SPATA3: variants seen among roughly 807,000 people sequenced by gnomAD.
The protein encoded by SPATA3 is spermatogenesis associated 3.
SPATA3 carries 6 observed loss-of-function variants against 5.7 expected under a neutral mutation model. That is an observed-to-expected ratio of 1.06 (90% CI 0.58 to 2.09). The LOEUF (loss-of-function observed/expected upper bound fraction) is 2.09. SPATA3 is among the 30% of genes most tolerant of loss of function. The probability of loss-of-function intolerance (pLI) is 0.00; values close to 1 mark genes in which losing one functional copy is unlikely to be tolerated. For synonymous variants in SPATA3, 44 were observed against 48.4 expected, an observed-to-expected ratio of 0.91 and a Z score of 0.37; for missense variants, 155 against 130.4, an observed-to-expected ratio of 1.19 and a Z score of -0.92.
chr2:231,009,070 C>T (rs1012053354), downstream of SPATA3, among the ~76,000 whole-genome samples: 1 of 152,190 alleles, frequency 6.6e-6, no homozygotes. Context: ...TGCACAGCCT[C>T]CTTTGGAACA....
downstream of SPATA3, among the ~76,000 whole-genome samples, chr2:231,007,529 T>C (rs973659487): frequency 1.3e-5 from 2 of 152,198 alleles, no homozygotes; most frequent in African/African-American, 4.8e-5. Context: ...CTTAACTCAA[T>C]AGCTAACGTA....
chr2:230,996,679 TG>T, intron 1 of SPATA3, 145 bp downstream of exon 1: 1 of 1,133,328 alleles, frequency 8.8e-7, no homozygotes, highest in Non-Finnish European at 1.2e-6. Context: ...TTTTTGTTTT[TG>T]TTTCTACCCA....
chr2:231,007,310 T>G (rs1273920817), downstream of SPATA3: 2 of 152,262 alleles, frequency 1.3e-5, no homozygotes, highest in Admixed American at 1.3e-4. Flanking sequence ...CATGTTTTAC[T>G]TAGAGACATA....
At chr2:231,003,563 G>T (rs1286090330), downstream of SPATA3, among the ~76,000 whole-genome samples, 2 of 152,222 alleles carry the variant, frequency 1.3e-5, no homozygotes, top group Non-Finnish European at 2.9e-5. Context: ...GTTAGTCTCA[G>T]CAGAGGGGAG....
At chr2:231,002,226 G>T (rs148617858) in intron 2 of SPATA3, among the ~76,000 whole-genome samples, 1 of 152,254 alleles carries the variant, frequency 6.6e-6, no homozygotes, top group Non-Finnish European at 1.5e-5. Flanking sequence ...TGCATTTTTT[G>T]AATGCCCTCC....
In SPATA3 at chr2:231,018,689, C is replaced by CT. The variant is rs971100482; in HGVS notation, c.*566-1020dup. Among the ~76,000 whole-genome samples the CT allele has an allele frequency of 4.5e-3, 656 of 146,494 alleles. 5 individuals are homozygous for CT. Among genetic ancestry groups the CT allele is most frequent in the African/African-American group, 0.012 (491 of 40,216 alleles). On this transcript the variant is annotated intron_variant, in intron 6 of 8. Coordinates refer to the SPATA3 transcript ENST00000452881. The stretch of plus-strand genomic sequence containing the variant: ...ATGTCTGTTTTCAGTATTGGTTTTT[C>CT]TTTTTTTTTTTGAGGTGGAGTCATC...
exon 6 of SPATA3, chr2:231,014,022 C>T (rs574339122): frequency 1.3e-5 from 2 of 152,024 alleles, no homozygotes; most frequent in African/African-American, 4.8e-5. Context: ...GTGACTGCAC[C>T]TCGAATAAAG....
chr2:231,008,334 G>A (rs559748936), downstream of SPATA3, among the ~76,000 whole-genome samples: 2 of 152,212 alleles, frequency 1.3e-5, no homozygotes, highest in Non-Finnish European at 2.9e-5. Flanking sequence ...GCACTGGAAC[G>A]GTGACAGCGG....
chr2:231,009,267 G>A (rs13394496), downstream of SPATA3, among the ~76,000 whole-genome samples: 4 of 151,872 alleles, frequency 2.6e-5, no homozygotes, highest in African/African-American at 7.3e-5. Context: ...GCTTCTCCCC[G>A]TTTTCCTCCA....
chr2:231,018,718 C>T (rs1034588264), intron 6 of SPATA3, among the ~76,000 whole-genome samples: 4 of 151,738 alleles, frequency 2.6e-5, no homozygotes, highest in African/African-American at 9.7e-5. Flanking sequence ...AGTCATCTTG[C>T]TCTGTCACCC....
At chr2:231,011,163 C>G (rs953182996), downstream of SPATA3, among the ~76,000 whole-genome samples, 4 of 151,674 alleles carry the variant, frequency 2.6e-5, no homozygotes, top group Admixed American at 1.3e-4. Context: ...CAGTCTTGCT[C>G]TGTCGCCCAG....
downstream of SPATA3, among the ~76,000 whole-genome samples, chr2:231,006,000 CAA>C (rs35868663): frequency 0.37 from 46,157 of 124,086 alleles, 7,124 homozygotes; most frequent in South Asian, 0.47. Context: ...CTTGTCTCTA[CAA>C]AAAAAAAAAA....
downstream of SPATA3, among the ~76,000 whole-genome samples, chr2:231,008,380 A>G (rs1337233078): frequency 6.6e-6 from 1 of 152,220 alleles, no homozygotes; most frequent in Non-Finnish European, 1.5e-5. Context: ...ACAATGCTGA[A>G]TGCCTGTGAG....
chr2:231,015,949 T>G (rs1311282806), intron 6 of SPATA3, among the ~76,000 whole-genome samples: 1 of 152,234 alleles, frequency 6.6e-6, no homozygotes, highest in Non-Finnish European at 1.5e-5. Flanking sequence ...AACATTTGCA[T>G]TTCAAGGAAG....
In SPATA3 at chr2:231,000,442, G is replaced by A. The variant is rs1179428740; in HGVS notation, c.867G>A (p.Leu289=). ...GCAGCTCCGCTTGCTGGCGTCGTCT[G>A]GGGCTATGCCATAGCCGCATCTTCG... The change falls in exon 2 of 3, where the codon CTG becomes CTA. Residue 289 remains leucine (L), a synonymous_variant. Transcript: ENST00000645363. 1.9e-6 allele frequency: 3 copies of A among 1,549,160 alleles called. No individual in the cohort carries two copies. In the South Asian group the frequency reaches 3.6e-5, roughly 18 times the overall value.
At chr2:231,004,130 G>A (rs1236830100), downstream of SPATA3, 1 of 152,184 alleles carries the variant, frequency 6.6e-6, no homozygotes. Flanking sequence ...TAAACTCCAG[G>A]GAGAGCTCAC....
intron 1 of SPATA3, among the ~76,000 whole-genome samples, chr2:230,997,316 A>T (rs540239496): frequency 1.5e-4 from 23 of 152,176 alleles, no homozygotes; most frequent in Admixed American, 2.6e-4. Flanking sequence ...GCCATGTGAG[A>T]TGTGCCTTTC....
intron 6 of SPATA3, among the ~76,000 whole-genome samples, chr2:231,016,747 C>T (rs1472530274): frequency 1.6e-4 from 25 of 152,098 alleles, no homozygotes; most frequent in Admixed American, 1.6e-3. Flanking sequence ...AGCCTGCAGC[C>T]AGGCCTTCTA....
intron 1 of SPATA3, among the ~76,000 whole-genome samples, chr2:230,996,967 A>G (rs1692147248): frequency 6.6e-6 from 1 of 152,214 alleles, no homozygotes; most frequent in African/African-American, 2.4e-5. Context: ...CAAGGAAGAT[A>G]GTCTGGGTTG....
Sources: allele counts gnomAD v4.1 joint callset (sites outside exome capture counted in the v4.1 genomes callset), GRCh38; gene constraint gnomAD v4.1.1; transcripts MANE v1.5; gene names NCBI Gene and HGNC (gene_info 2026-07-23, HGNC 2026-07-21).